The following GPR141 variants were observed in gnomAD, a reference collection of about 807,000 sequenced individuals.
The protein encoded by GPR141 is probable G protein-coupled receptor 141.
GPR141 carries 6 observed loss-of-function variants against 6.8 expected under a neutral mutation model. The observed-to-expected ratio is 0.88, with a 90% CI of 0.48 to 1.74. The LOEUF (loss-of-function observed/expected upper bound fraction) is 1.74, where lower values mean the gene tolerates loss of function less well. Ranked by LOEUF, GPR141 falls within the 40% of genes most tolerant of loss-of-function variation. GPR141 has a pLI of 0.01. For missense variants in GPR141, 372 were observed against 372.9 expected, an observed-to-expected ratio of 1.00 and a Z score of 0.02; for synonymous variants, 140 against 142.3, an observed-to-expected ratio of 0.98 and a Z score of 0.11.
In GPR141 at chr7:37,741,381, A is replaced by G; in HGVS notation, c.*70A>G. Reference sequence around the variant, plus strand: ...AAAAATGGGTATAGGGGAGGTAAGAATGGTATTTCATTACTTGATCAAAAC... The same window carrying G: ...AAAAATGGGTATAGGGGAGGTAAGAGTGGTATTTCATTACTTGATCAAAAC... On this transcript the variant is annotated 3_prime_UTR_variant, in exon 3 of 3. Transcript: ENST00000334425. The G allele has an allele frequency of 1.8e-6, 2 of 1,130,208 alleles. No individual in the cohort carries two copies. Among genetic ancestry groups the G allele is most frequent in the Non-Finnish European group, 1.3e-6 (1 of 789,588 alleles). 70.0% of individuals were successfully genotyped at this position (1,130,208 alleles called of 1,614,324 possible).
At chr7:37,723,908 C>T (rs928937429) in intron 2 of GPR141, among the ~76,000 whole-genome samples, 14 of 152,200 alleles carry the variant, frequency 9.2e-5, no homozygotes, top group African/African-American at 3.4e-4. Flanking sequence ...GATGGACATT[C>T]ACAAAGATCA....
intron 2 of GPR141, among the ~76,000 whole-genome samples, chr7:37,696,999 A>T (rs75108667): frequency 0.15 from 22,633 of 152,158 alleles, 1,855 homozygotes; most frequent in East Asian, 0.24. Flanking sequence ...AGAGTGAGAG[A>T]GACAGAGAGA....
chr7:37,733,671 CA>C (rs55943222), intron 2 of GPR141, among the ~76,000 whole-genome samples: 23,380 of 100,846 alleles, frequency 0.23, 1,783 homozygotes, highest in Non-Finnish European at 0.31. Flanking sequence ...AACTCCATCT[CA>C]AAAAAAAAAA....
chr7:37,699,246 G>T (rs1335202005), intron 2 of GPR141, among the ~76,000 whole-genome samples: 2 of 152,212 alleles, frequency 1.3e-5, no homozygotes, highest in East Asian at 3.8e-4. Flanking sequence ...TGTAGTGAAA[G>T]AGTGGCCATA....
At chr7:37,687,974 G>GAT (rs908642147) in intron 2 of GPR141, among the ~76,000 whole-genome samples, 3 of 152,068 alleles carry the variant, frequency 2.0e-5, no homozygotes, top group Non-Finnish European at 4.4e-5. Context: ...CTGTTGCAAC[G>GAT]ATACAACTTA....
chr7:37,709,266 G>A (rs1021561573), intron 2 of GPR141, among the ~76,000 whole-genome samples: 1 of 152,026 alleles, frequency 6.6e-6, no homozygotes, highest in Non-Finnish European at 1.5e-5. Context: ...AAATATATTT[G>A]GATTATTTGG....
At chr7:37,684,230 T>C (rs569472523) in intron 1 of GPR141, among the ~76,000 whole-genome samples, 1 of 152,222 alleles carries the variant, frequency 6.6e-6, no homozygotes, top group South Asian at 2.1e-4. Context: ...TGTATAATTA[T>C]TCAAATGCTT....
chr7:37,708,724 G>C (rs1005199334), intron 2 of GPR141, among the ~76,000 whole-genome samples: 6 of 152,100 alleles, frequency 3.9e-5, no homozygotes, highest in African/African-American at 1.4e-4. Context: ...GCCACCTAGA[G>C]TGTAGAAGAG....
intron 2 of GPR141, chr7:37,709,660 G>A (rs1011590839): frequency 1.4e-4 from 21 of 152,288 alleles, no homozygotes; most frequent in African/African-American, 4.8e-4. Flanking sequence ...AAAAGATATT[G>A]TTGTTTTAAT....
intron 2 of GPR141, among the ~76,000 whole-genome samples, chr7:37,726,289 G>C (rs558523153): frequency 6.6e-6 from 1 of 152,312 alleles, no homozygotes; most frequent in South Asian, 2.1e-4. Flanking sequence ...GAGATAAGAA[G>C]AATGACATCT....
chr7:37,702,506 C>G (rs1465555540), intron 2 of GPR141, among the ~76,000 whole-genome samples: 1 of 151,924 alleles, frequency 6.6e-6, no homozygotes, highest in Non-Finnish European at 1.5e-5. Flanking sequence ...CAAATTTTCA[C>G]ATTAGTTTAA....
At chr7:37,733,483 A>T (rs148420555) in intron 2 of GPR141, among the ~76,000 whole-genome samples, 1 of 152,010 alleles carries the variant, frequency 6.6e-6, no homozygotes, top group African/African-American at 2.4e-5. Flanking sequence ...AAGAGCCTGG[A>T]CAAAATGGTG....
At chr7:37,714,058 T>C (rs1177231591) in intron 2 of GPR141, among the ~76,000 whole-genome samples, 1 of 152,130 alleles carries the variant, frequency 6.6e-6, no homozygotes. Flanking sequence ...TCATGTCCCG[T>C]CCTCTTACCC....
At chr7:37,738,659 T>G (rs1812379195) in intron 2 of GPR141, among the ~76,000 whole-genome samples, 1 of 152,096 alleles carries the variant, frequency 6.6e-6, no homozygotes, top group Non-Finnish European at 1.5e-5. Context: ...TATCTTTTTT[T>G]TTTTAAGTTT....
intron 2 of GPR141, among the ~76,000 whole-genome samples, chr7:37,734,760 G>C (rs1181122962): frequency 6.6e-6 from 1 of 152,204 alleles, no homozygotes; most frequent in Non-Finnish European, 1.5e-5. Flanking sequence ...CTAAAGAACT[G>C]ATAGTAGACT....
chr7:37,733,610 T>A (rs1013057817), intron 2 of GPR141, among the ~76,000 whole-genome samples: 40 of 143,142 alleles, frequency 2.8e-4, no homozygotes, highest in Non-Finnish European at 1.8e-4. Context: ...AGGCGGAGGT[T>A]GCGGTGAGCC....
At chr7:37,709,236 T>C (rs2131780743) in intron 2 of GPR141, among the ~76,000 whole-genome samples, 1 of 152,370 alleles carries the variant, frequency 6.6e-6, no homozygotes, top group Middle Eastern at 3.4e-3. Context: ...AAATATTTGG[T>C]ACAGTTACTT....
intron 2 of GPR141, among the ~76,000 whole-genome samples, chr7:37,734,253 C>T (rs1263388947): frequency 1.3e-5 from 2 of 152,152 alleles, no homozygotes; most frequent in Non-Finnish European, 2.9e-5. Flanking sequence ...TAATTTGTCT[C>T]ATAACGACTA....
chr7:37,735,488 G>T (rs1414979828), intron 2 of GPR141, among the ~76,000 whole-genome samples: 1 of 152,162 alleles, frequency 6.6e-6, no homozygotes, highest in Admixed American at 6.5e-5. Flanking sequence ...ACTATTGACT[G>T]TAGCTAAAAT....
Sources: allele counts gnomAD v4.1 joint callset (sites outside exome capture counted in the v4.1 genomes callset), GRCh38; gene constraint gnomAD v4.1.1; transcripts MANE v1.5; gene names NCBI Gene and HGNC (gene_info 2026-07-23, HGNC 2026-07-21).